Variants in SUFU observed in about 807,000 individuals in gnomAD.
The protein encoded by SUFU is suppressor of fused homolog.
In SUFU, 7 loss-of-function variants were observed where a neutral mutation model predicts 58.9. That is an observed-to-expected ratio of 0.12 (90% confidence interval 0.07 to 0.22). The LOEUF is 0.22. Among genes scored for constraint, SUFU ranks in the 10% least tolerant of loss-of-function variants. The pLI is 1.00. For missense variants in SUFU, 451 were observed against 641.3 expected (o/e 0.70, Z 3.20); for synonymous variants, 232 against 254.8 (o/e 0.91, Z 0.85).
chr10:102,565,596 G>A (rs984366351), intron 3 of SUFU, among the ~76,000 whole-genome samples: 1 of 152,204 alleles, frequency 6.6e-6, no homozygotes, highest in African/African-American at 2.4e-5. Context: ...CCAGGCTGGA[G>A]TGCAGTGGCG....
chr10:102,587,755 A>G (rs2063349434), intron 3 of SUFU, among the ~76,000 whole-genome samples: 2 of 152,132 alleles, frequency 1.3e-5, no homozygotes, highest in Admixed American at 6.5e-5. Context: ...CAGCCTCCCA[A>G]AGTGCTGGGA....
intron 2 of SUFU, among the ~76,000 whole-genome samples, chr10:102,535,076 A>T (rs2062720516): frequency 6.6e-6 from 1 of 152,176 alleles, no homozygotes; most frequent in African/African-American, 2.4e-5. Context: ...ACTCAGCCTG[A>T]TTCCCAAGGA....
chr10:102,510,399 G>A (rs943072089), intron 2 of SUFU, among the ~76,000 whole-genome samples: 3 of 151,216 alleles, frequency 2.0e-5, no homozygotes, highest in African/African-American at 4.8e-5. Flanking sequence ...TAGTAGAGAC[G>A]GGGTTTCACC....
chr10:102,612,312 T>G (rs1344673477), intron 8 of SUFU, among the ~76,000 whole-genome samples: 2 of 152,162 alleles, frequency 1.3e-5, no homozygotes, highest in African/African-American at 4.8e-5. Context: ...TTTGCAATTT[T>G]TTTTTCTCTT....
rs538327033 is a variant in SUFU, at chr10:102,629,953, G to A, written c.1366-113G>A. ...ATTTGAGAATGAAGCCACGCCTCCC[G>A]CGGCCTGTCCTATCCCTAGCTCCCC... On this transcript the variant is annotated intron_variant, in intron 11 of 11. Transcript: ENST00000369902. The surrounding 1 kb of genome is among the most constrained non-coding windows in gnomAD (Gnocchi z 4.7). 4.4e-5 allele frequency: 43 copies of A among 980,796 alleles called. No homozygotes were observed. Among genetic ancestry groups the A allele is most frequent in the African/African-American group, 3.2e-4 (20 of 62,806 alleles). The allele number at this position is 980,796 out of a possible 1,614,324, so 60.8% of individuals were successfully genotyped here.
rs771685480 is a variant in SUFU at position 102,551,717 on chromosome 10, C to CTTTT, written c.454+1632_454+1635dup. Among the ~76,000 whole-genome samples the CTTTT allele has an allele frequency of 4.0e-3, 276 of 68,660 alleles. 2 individuals carry two copies. Among genetic ancestry groups the CTTTT allele is most frequent in the East Asian group, 9.5e-3 (16 of 1,686 alleles). 45.0% of individuals were successfully genotyped at this position (68,660 alleles called of 152,430 possible). On this transcript the variant is annotated intron_variant, in intron 3 of 11. Coordinates refer to ENST00000369902, the MANE Select transcript of SUFU (RefSeq NM_016169.4). ...GGAACAAATTATTATTATGTGCCTTCTTTTTTTTTTTTTTTTTTTTTTTTG... is the reference window on the plus strand; with the variant it reads ...GGAACAAATTATTATTATGTGCCTTCTTTTTTTTTTTTTTTTTTTTTTTTTTTTG...
chr10:102,619,295 C>G lies in SUFU; in HGVS notation c.1296+1867C>G. 1 of 1,444,028 alleles carries G rather than the reference C, an allele frequency of 6.9e-7. No homozygotes were observed. Among genetic ancestry groups the G allele is most frequent in the Non-Finnish European group, 9.1e-7 (1 of 1,101,748 alleles). 89.5% of individuals were successfully genotyped at this position (1,444,028 alleles called of 1,614,324 possible). On this transcript the variant is annotated intron_variant, in intron 10 of 11. Transcript: ENST00000369902. The surrounding 1 kb of genome is among the most constrained non-coding windows in gnomAD (Gnocchi z 4.2). Reference sequence around the variant, plus strand: ...GGGTTCCCACTCCCAGTGCCACAACCCCCTCACCTCCCTGGCAGCCCCTCA... The same window carrying G: ...GGGTTCCCACTCCCAGTGCCACAACGCCCTCACCTCCCTGGCAGCCCCTCA...
intron 2 of SUFU, among the ~76,000 whole-genome samples, chr10:102,544,720 G>T (rs1440974823): frequency 6.6e-6 from 1 of 152,052 alleles, no homozygotes; most frequent in African/African-American, 2.4e-5. Context: ...CAACAAAAAA[G>T]AATTTCCATC....
intron 3 of SUFU, among the ~76,000 whole-genome samples, chr10:102,573,773 G>T (rs1304682781): frequency 2.0e-5 from 3 of 152,162 alleles, no homozygotes; most frequent in Admixed American, 2.0e-4. Context: ...AAGGTACTTA[G>T]AGTAGTTAGG....
chr10:102,579,968 C>A, intron 3 of SUFU: 1 of 631,002 alleles, frequency 1.6e-6, no homozygotes, highest in Non-Finnish European at 2.0e-6. Flanking sequence ...ACTTTACCTT[C>A]TAGCCCCAAG....
At chr10:102,551,448 G>A (rs2062913827) in intron 3 of SUFU, among the ~76,000 whole-genome samples, 1 of 152,078 alleles carries the variant, frequency 6.6e-6, no homozygotes, top group African/African-American at 2.4e-5. Context: ...GACCAGCCTG[G>A]CTAACATGGT....
chr10:102,594,926 G>T (rs912410841), intron 6 of SUFU, among the ~76,000 whole-genome samples: 1 of 152,100 alleles, frequency 6.6e-6, no homozygotes, highest in Admixed American at 6.5e-5. Context: ...CACCATGTTG[G>T]CCAGGCTGGT....
Position 102,615,394 on chromosome 10 carries a change from C to G in SUFU, c.1149C>G (p.Leu383=). The G allele has an allele frequency of 6.2e-7, 1 of 1,614,090 alleles. No individual in the cohort carries two copies. Among genetic ancestry groups the G allele is most frequent in the Non-Finnish European group, 8.5e-7 (1 of 1,179,966 alleles). Residue 383 remains leucine, a synonymous_variant, in exon 9 of 12, where the codon CTC becomes CTG. Transcript: ENST00000369902. ...FNQESGALIP[L]CLRGRLLHGR... ...AGGAGTCCGGAGCCCTCATTCCTCTCTGCCTAAGGTGAGCGAGACAGCCCT... is the reference window on the plus strand; with the variant it reads ...AGGAGTCCGGAGCCCTCATTCCTCTGTGCCTAAGGTGAGCGAGACAGCCCT...
At chr10:102,585,730 G>A (rs768529367) in intron 3 of SUFU, among the ~76,000 whole-genome samples, 2 of 151,846 alleles carry the variant, frequency 1.3e-5, no homozygotes, top group Non-Finnish European at 1.5e-5. Flanking sequence ...GGTTGCCCTG[G>A]CTGGTCTCAA....
At position 102,625,833 on chromosome 10, in the gene SUFU, C is replaced by T. The variant is rs1029554444; in HGVS notation, c.1297-1342C>T. ...TAGAGACCTCCGTCCTGTGAGCTCC[C>T]GAGCCGTCCTGTGTGCTCACCTTCC... On this transcript the variant is annotated intron_variant, in intron 10 of 11. Transcript: ENST00000369902. This position sits in a 1 kb window ranked among gnomAD's most constrained non-coding sequence, Gnocchi z 4.7. Among the ~76,000 whole-genome samples the T allele has an allele frequency of 4.6e-5, 7 of 152,172 alleles. No individual in the cohort carries two copies. The South Asian group carries it at 8.3e-4, about 18-fold the overall frequency.
At chr10:102,518,654 C>T (rs2062505658) in intron 2 of SUFU, among the ~76,000 whole-genome samples, 1 of 152,026 alleles carries the variant, frequency 6.6e-6, no homozygotes, top group Non-Finnish European at 1.5e-5. Context: ...TTAAGTCATC[C>T]TCCTACCTCA....
chr10:102,599,139 C>T (rs1335611181), intron 7 of SUFU, among the ~76,000 whole-genome samples: 7 of 152,112 alleles, frequency 4.6e-5, no homozygotes, highest in South Asian at 2.1e-4. Context: ...GGGTAAACCT[C>T]GGGCCTGTGA....
At chr10:102,559,718 G>C (rs1372812675) in intron 3 of SUFU, among the ~76,000 whole-genome samples, 1 of 152,136 alleles carries the variant, frequency 6.6e-6, no homozygotes, top group Non-Finnish European at 1.5e-5. Flanking sequence ...TCATTAGAAA[G>C]AAACCATTCC....
intron 8 of SUFU, 48 bp from the exon 9 acceptor site, chr10:102,615,220 C>T (rs1297073217): frequency 1.2e-6 from 2 of 1,613,754 alleles, no homozygotes; most frequent in Admixed American, 1.7e-5. Context: ...TTGCTCCTCC[C>T]TGAGCTTTTC....
Sources: gnomAD v4.1 joint callset for allele counts (sites outside exome capture counted in the v4.1 genomes callset) on GRCh38, gnomAD v4.1.1 for gene constraint, Gnocchi (gnomAD v3.1) non-coding constraint, MANE v1.5 for transcripts, NCBI Gene and HGNC (gene_info 2026-07-23, HGNC 2026-07-21) for gene names.